CACNA1G: variants seen among roughly 807,000 people sequenced by gnomAD.
CACNA1G encodes the protein voltage-dependent T-type calcium channel subunit alpha-1G.
In CACNA1G, 67 loss-of-function variants were observed where a neutral mutation model predicts 219.4. The ratio of observed to expected loss-of-function variants is 0.31; its 90% CI spans 0.25 to 0.37. The LOEUF is 0.37. Among genes scored for constraint, CACNA1G ranks in the 10% least tolerant of loss-of-function variants. The pLI, the probability that CACNA1G is intolerant of heterozygous loss-of-function variation, is 1.00. For missense variants in CACNA1G, 2,380 were observed against 3,231.4 expected, an observed-to-expected ratio of 0.74 and a Z score of 6.39; for synonymous variants, 1,296 against 1,345.3, an observed-to-expected ratio of 0.96 and a Z score of 0.80.
rs1362229614 is a variant in CACNA1G at position 50,617,442 on chromosome 17, A to G, written c.5026A>G (p.Asn1676Asp). Residue 1676 changes from asparagine (N) to aspartate (D), a missense_variant, in exon 29 of 38, where the codon AAC becomes GAC. Physicochemically the swap from Asn to Asp is conservative, Grantham distance 23. Coordinates refer to ENST00000359106, the MANE Select transcript of CACNA1G (RefSeq NM_018896.5). The surrounding 1 kb of genome is among the most constrained non-coding windows in gnomAD (Gnocchi z 5.8). Reference protein sequence around the residue: ...GFRRFFQDRWNQLDLAIVLLS... With the variant: ...GFRRFFQDRWDQLDLAIVLLS... The stretch of plus-strand genomic sequence containing the variant: ...GCTGTATTCTGGGCTTTCCAGGTGG[A>G]ACCAGCTGGACCTGGCCATTGTGCT... The G allele has an allele frequency of 1.9e-6, 3 of 1,612,752 alleles. No homozygotes were observed.
chr17:50,617,899 G>A lies in CACNA1G; in HGVS notation c.5196G>A (p.Leu1732=), dbSNP rs2050916199. 6.2e-7 allele frequency: 1 copy of A among 1,613,772 alleles called. No homozygotes were observed. Among genetic ancestry groups the A allele is most frequent in the South Asian group, 1.1e-5 (1 of 91,076 alleles). Residue 1732 remains leucine (L), a synonymous_variant, in exon 30 of 38, where the codon CTG becomes CTA. Coordinates refer to ENST00000359106, the MANE Select transcript of CACNA1G (RefSeq NM_018896.5). The surrounding 1 kb of genome is among the most constrained non-coding windows in gnomAD (Gnocchi z 5.8). ...LLKMAVGMRA[L]LDTVMQALPQ... ...AGATGGCTGTGGGCATGCGGGCGCT[G>A]CTGGACACGGTGATGCAGGCCCTGC...
In CACNA1G at chr17:50,623,779, T is replaced by C. The variant is rs369981147; in HGVS notation, c.6061-128T>C. ...GCCATGCTCATGCCCATCTCTACCT[T>C]GTCCTGGGAGGGCACGGGGGTGAGG... On this transcript the variant is annotated intron_variant, in intron 35 of 37. Coordinates refer to ENST00000359106, the MANE Select transcript of CACNA1G (RefSeq NM_018896.5). 558 of 925,808 alleles carry C rather than the reference T, an allele frequency of 6.0e-4. 2 individuals are homozygous for C. The African/African-American group carries it at 8.3e-3, about 14-fold the overall frequency. The allele number at this position is 925,808 out of a possible 1,614,324, so 57.3% of individuals were successfully genotyped here.
At position 50,595,071 on chromosome 17, in the gene CACNA1G, C is replaced by A. The variant is rs1159307684; in HGVS notation, c.2979+10C>A. ...TGTCGACTCCCAGGGGGTAGGTACG[C>A]GATCATGAGCCGGCATGCCTCCCGT... On this transcript the variant is annotated intron_variant, in intron 14 of 37. Coordinates refer to ENST00000359106, the MANE Select transcript of CACNA1G (RefSeq NM_018896.5). The A allele has an allele frequency of 6.5e-7, 1 of 1,550,008 alleles. No homozygotes were observed. Among genetic ancestry groups the A allele is most frequent in the South Asian group, 1.2e-5 (1 of 84,160 alleles).
chr17:50,617,938 G>C lies in CACNA1G; in HGVS notation c.5226+9G>C, dbSNP rs2050925981. On this transcript the variant is annotated intron_variant, in intron 30 of 37. Coordinates refer to ENST00000359106, the MANE Select transcript of CACNA1G (RefSeq NM_018896.5). This position sits in a 1 kb window ranked among gnomAD's most constrained non-coding sequence, Gnocchi z 5.8. Reference sequence around the variant, plus strand: ...TGCAGGCCCTGCCCCAGGTAGCCGGGAGGTGGGGGGCCTCTGGGGAGGGGG... The same window carrying C: ...TGCAGGCCCTGCCCCAGGTAGCCGGCAGGTGGGGGGCCTCTGGGGAGGGGG... 1.2e-6 allele frequency: 2 copies of C among 1,613,722 alleles called. No individual in the cohort carries two copies. The highest frequency in any genetic ancestry group is 1.7e-6 in the Non-Finnish European group (2 of 1,179,812).
At chr17:50,589,900 C>CTT (rs1227632218) in intron 9 of CACNA1G, among the ~76,000 whole-genome samples, 1 of 147,378 alleles carries the variant, frequency 6.8e-6, no homozygotes, top group Non-Finnish European at 1.5e-5. Context: ...ATTTTTCTCT[C>CTT]TCTCTCTCTC....
chr17:50,611,831 C>T lies in CACNA1G; in HGVS notation c.4759+1896C>T, dbSNP rs111991862. Among the ~76,000 whole-genome samples the T allele has an allele frequency of 5.2e-3, 799 of 152,284 alleles. 7 individuals carry two copies. Among genetic ancestry groups the T allele is most frequent in the African/African-American group, 0.018 (740 of 41,558 alleles). Reference sequence around the variant, plus strand: ...ATGCAGACTCTCATGGCTCCTAAGACGTGACTCACCCACTCAGTGCTAAAC... The same window carrying T: ...ATGCAGACTCTCATGGCTCCTAAGATGTGACTCACCCACTCAGTGCTAAAC... On this transcript the variant is annotated intron_variant, in intron 26 of 37. Transcript: ENST00000359106.
chr17:50,607,278 A>G (rs1205443488), intron 24 of CACNA1G: 2 of 432,010 alleles, frequency 4.6e-6, no homozygotes, highest in Non-Finnish European at 8.8e-6. Flanking sequence ...CCTAGGCAAG[A>G]GGATCACTTG....
intron 26 of CACNA1G, among the ~76,000 whole-genome samples, chr17:50,612,228 A>G (rs1160642073): frequency 6.6e-6 from 1 of 152,226 alleles, no homozygotes; most frequent in African/African-American, 2.4e-5. Flanking sequence ...GGCTGCTGAG[A>G]ATCAAACACG....
intron 19 of CACNA1G, among the ~76,000 whole-genome samples, chr17:50,601,408 C>T (rs1278861555): frequency 6.6e-6 from 1 of 152,246 alleles, no homozygotes; most frequent in Non-Finnish European, 1.5e-5. Context: ...TGCTTTGTCT[C>T]ATTCCAGGCT....
intron 3 of CACNA1G, 108 bp downstream of exon 3, chr17:50,569,406 C>T: frequency 8.3e-7 from 1 of 1,202,138 alleles, no homozygotes. Context: ...TACAGCACCA[C>T]TTTCTCCCTG....
chr17:50,612,322 A>G (rs1431601325), intron 26 of CACNA1G, among the ~76,000 whole-genome samples: 1 of 152,246 alleles, frequency 6.6e-6, no homozygotes, highest in Non-Finnish European at 1.5e-5. Context: ...GAAAGGCAGA[A>G]GAGCGGAGCC....
intron 14 of CACNA1G, among the ~76,000 whole-genome samples, chr17:50,595,327 A>G (rs1281159603): frequency 3.9e-5 from 6 of 152,196 alleles, no homozygotes; most frequent in Non-Finnish European, 1.5e-5. Flanking sequence ...GATGGGCCGG[A>G]GAAGGAAGGG....
In CACNA1G at chr17:50,576,348, A is replaced by C. The variant is rs373393888; in HGVS notation, c.1924+22A>C. 40 of 1,558,708 alleles carry C rather than the reference A, an allele frequency of 2.6e-5. No individual in the cohort carries two copies. The African/African-American group carries it at 2.7e-4, about 11-fold the overall frequency. ...ACAGGTGAGAACTCTGGGTGGAGGCATGTGGGTGCCCTCGTCTGGGGACTG... is the reference window on the plus strand; with the variant it reads ...ACAGGTGAGAACTCTGGGTGGAGGCCTGTGGGTGCCCTCGTCTGGGGACTG... On this transcript the variant is annotated intron_variant, in intron 8 of 37. Transcript: ENST00000359106.
At chr17:50,583,877 A>G (rs953198600) in intron 9 of CACNA1G, among the ~76,000 whole-genome samples, 4 of 152,024 alleles carry the variant, frequency 2.6e-5, no homozygotes, top group Non-Finnish European at 5.9e-5. Flanking sequence ...GAGGGCCTAG[A>G]GGCTATTTCT....
chr17:50,626,435 G>A lies in CACNA1G; in HGVS notation c.6818G>A (p.Ser2273Asn), dbSNP rs2053821678. 1.2e-6 allele frequency: 2 copies of A among 1,607,830 alleles called. No individual in the cohort carries two copies. Among genetic ancestry groups the A allele is most frequent in the African/African-American group, 2.7e-5 (2 of 74,874 alleles). ...CAGAGGAGACACTCTATCGCCGTCAGCTGCCTGGACAGCGGCTCCCAACCC... is the reference window on the plus strand; with the variant it reads ...CAGAGGAGACACTCTATCGCCGTCAACTGCCTGGACAGCGGCTCCCAACCC... ...DEQRRHSIAV[S>N]CLDSGSQPHL... The change falls in exon 38 of 38, where the codon AGC becomes AAC. Residue 2273 changes from serine (S) to asparagine (N), a missense_variant. By Grantham distance (46) the Ser-to-Asn change is conservative (BLOSUM62 1). Coordinates refer to ENST00000359106, the MANE Select transcript of CACNA1G (RefSeq NM_018896.5). This position sits in a 1 kb window ranked among gnomAD's most constrained non-coding sequence, Gnocchi z 4.3.
rs1468000824 is a variant in CACNA1G at position 50,591,783 on chromosome 17, G to A, written c.2684G>A (p.Arg895Gln). 21 of 1,613,808 alleles carry A rather than the reference G, an allele frequency of 1.3e-5. No individual in the cohort carries two copies. The East Asian group carries it at 1.3e-4, about 10-fold the overall frequency. The change falls in exon 12 of 38, where the codon CGG becomes CAG. Residue 895 changes from arginine to glutamine, a missense_variant. Arg to Gln is a conservative substitution (Grantham distance 43). Coordinates refer to ENST00000359106, the MANE Select transcript of CACNA1G (RefSeq NM_018896.5). ...HLFGCKFASE[R>Q]DGDTLPDRKN... ...TTCGGCTGCAAGTTTGCCTCTGAGC[G>A]GGATGGGGACACCCTGCCAGACCGG...
At position 50,575,800 on chromosome 17, in the gene CACNA1G, C is replaced by G; in HGVS notation, c.1398C>G (p.Ser466Arg). The change falls in exon 8 of 38, where the codon AGC becomes AGG. Residue 466 changes from serine to arginine, a missense_variant. Ser to Arg is a moderately radical substitution (Grantham distance 110). Around this residue, in one of 17 missense-constraint regions of CACNA1G, gnomAD observed 434 missense variants for 417.3 expected, o/e 1.04. Coordinates refer to ENST00000359106, the MANE Select transcript of CACNA1G (RefSeq NM_018896.5). ...RAAGVRVGLL[S>R]SPAPLGGQET... Reference sequence around the variant, plus strand: ...CAGGTGTGCGGGTTGGGCTGCTCAGCAGCCCAGCACCCCTCGGGGGCCAGG... The same window carrying G: ...CAGGTGTGCGGGTTGGGCTGCTCAGGAGCCCAGCACCCCTCGGGGGCCAGG... 1 of 1,552,522 alleles carries G rather than the reference C, an allele frequency of 6.4e-7. No homozygotes were observed. The highest frequency in any genetic ancestry group is 2.0e-5 in the Admixed American group (1 of 51,150).
At chr17:50,624,330 C>CCCCCCCCCCCCCCCG in intron 36 of CACNA1G, 30 bp from the exon 37 acceptor site, 5 of 1,202,058 alleles carry the variant, frequency 4.2e-6, no homozygotes, top group African/African-American at 1.5e-5. Flanking sequence ...TCTCTCCCCC[C>CCCCCCCCCCCCCCCG]ACCCCTCCCC....
At position 50,571,593 on chromosome 17, in the gene CACNA1G, G is replaced by A. The variant is rs1457201896; in HGVS notation, c.587-285G>A. Reference sequence around the variant, plus strand: ...GAATTGGGAGTGATATTATCCACATGTGATGATGTTGGGAGAGTTAGGAGG... The same window carrying A: ...GAATTGGGAGTGATATTATCCACATATGATGATGTTGGGAGAGTTAGGAGG... On this transcript the variant is annotated intron_variant, in intron 4 of 37. Coordinates refer to ENST00000359106, the MANE Select transcript of CACNA1G (RefSeq NM_018896.5). The surrounding 1 kb of genome is among the most constrained non-coding windows in gnomAD (Gnocchi z 4.3). Among the ~76,000 whole-genome samples the A allele has an allele frequency of 6.6e-6, 1 of 152,236 alleles. No homozygotes were observed. The highest frequency in any genetic ancestry group is 2.4e-5 in the African/African-American group (1 of 41,458).
Sources: allele counts gnomAD v4.1 joint callset (sites outside exome capture counted in the v4.1 genomes callset), GRCh38; gene constraint gnomAD v4.1.1; regional missense constraint gnomAD v4.1.1; non-coding constraint Gnocchi (gnomAD v3.1); transcripts MANE v1.5; gene names NCBI Gene and HGNC (gene_info 2026-07-23, HGNC 2026-07-21).